Variants in FCMR observed in about 807,000 individuals in gnomAD.
FCMR encodes Fc mu receptor, also known as immunoglobulin mu Fc receptor.
In FCMR, 34 loss-of-function variants were observed where a neutral mutation model predicts 41.6. The ratio of observed to expected loss-of-function variants is 0.82; its 90% CI spans 0.62 to 1.09. The LOEUF is 1.09. FCMR is among the 50% of genes least tolerant of loss of function. The pLI is 0.00. For missense variants in FCMR, 496 were observed against 512.5 expected (o/e 0.97, Z 0.31); for synonymous variants, 209 against 211.8 (o/e 0.99, Z 0.12).
intron 1 of FCMR, among the ~76,000 whole-genome samples, chr1:206,917,619 C>T (rs1345992265): frequency 6.6e-6 from 1 of 151,954 alleles, no homozygotes; most frequent in Non-Finnish European, 1.5e-5. Flanking sequence ...CTGCTATTGC[C>T]CATATTTTCT....
intron 1 of FCMR, among the ~76,000 whole-genome samples, chr1:206,915,543 C>CAT (rs1679155456): frequency 6.6e-6 from 1 of 152,116 alleles, no homozygotes; most frequent in South Asian, 2.1e-4. Flanking sequence ...CTTTGAGTGA[C>CAT]AGAGGTCAGG....
intron 1 of FCMR, among the ~76,000 whole-genome samples, chr1:206,915,961 G>A (rs1679174410): frequency 6.8e-6 from 1 of 147,838 alleles, no homozygotes. Context: ...CGGTAGAGAG[G>A]TAAAAACAAT....
At chr1:206,912,047 C>G (rs1411578958) in intron 3 of FCMR, 95 bp from the exon 4 acceptor site, 2 of 937,484 alleles carry the variant, frequency 2.1e-6, no homozygotes, top group African/African-American at 3.4e-5. Context: ...ATACCCTTCC[C>G]TTTTATACAG....
At chr1:206,920,014 T>A (rs1679364733) in intron 1 of FCMR, among the ~76,000 whole-genome samples, 1 of 152,176 alleles carries the variant, frequency 6.6e-6, no homozygotes. Flanking sequence ...GCCACTTTAA[T>A]CCACAAGGAA....
In FCMR at chr1:206,911,808, G is replaced by C; in HGVS notation, c.632C>G (p.Ser211Ter). The change falls in exon 4 of 8, where the codon TCA becomes TGA. Residue 211 changes from serine to a stop codon, truncating the protein, a stop_gained. Transcript: ENST00000367091. LOFTEE classifies it high-confidence loss of function. The part of the protein sequence containing the change: ...PRTFLPSTTA[S>*]KISALEGLLK... Reference sequence around the variant, plus strand: ...CAGCCCCTCCAGAGCTGAGATTTTTGAGGCTGTAGTGGATGGCAGGAAGGT... The same window carrying C: ...CAGCCCCTCCAGAGCTGAGATTTTTCAGGCTGTAGTGGATGGCAGGAAGGT... The C allele has an allele frequency of 6.2e-7, 1 of 1,612,376 alleles. No homozygotes were observed. The highest frequency in any genetic ancestry group is 8.5e-7 in the Non-Finnish European group (1 of 1,179,342).
chr1:206,906,724 G>A (rs1321772279), intron 7 of FCMR, among the ~76,000 whole-genome samples: 1 of 151,916 alleles, frequency 6.6e-6, no homozygotes, highest in Admixed American at 6.5e-5. Context: ...CAAGTAGAGA[G>A]GCAGGGTCAG....
chr1:206,907,120 CGGGGTG>C (rs1678697498), intron 7 of FCMR, among the ~76,000 whole-genome samples: 1 of 40,808 alleles, frequency 2.5e-5, no homozygotes, highest in Non-Finnish European at 4.1e-5. Context: ...GGGGTGGGGG[CGGGGTG>C]GGGACTGCGC....
At chr1:206,908,337 G>A (rs1225216289) in intron 7 of FCMR, 6 of 622,046 alleles carry the variant, frequency 9.6e-6, no homozygotes, top group Admixed American at 2.7e-5. Flanking sequence ...GGTGCCACAG[G>A]CAGCCTGGGA....
chr1:206,919,587 A>G (rs1056423672), intron 1 of FCMR, among the ~76,000 whole-genome samples: 6 of 152,004 alleles, frequency 3.9e-5, no homozygotes, highest in African/African-American at 1.5e-4. Flanking sequence ...CAGGAGTGAG[A>G]TCCTGTCTCA....
rs150550509 is a variant in FCMR at position 206,913,819 on chromosome 1, C to T, written c.313G>A (p.Gly105Arg). 33 of 1,614,174 alleles carry T rather than the reference C, an allele frequency of 2.0e-5. No individual in the cohort carries two copies. In the East Asian group the frequency reaches 3.8e-4, roughly 19 times the overall value. Residue 105 changes from glycine to arginine, a missense_variant, in exon 2 of 8, where the codon GGA becomes AGA. Coordinates refer to ENST00000367091, the MANE Select transcript of FCMR (RefSeq NM_005449.5). ...CCCCGGTCTGTGTTCATGCCCGCTCCGCAGGCATAGACTCCGCTGTCACTT... is the reference window on the plus strand; with the variant it reads ...CCCCGGTCTGTGTTCATGCCCGCTCTGCAGGCATAGACTCCGCTGTCACTT... ...TESDSGVYAC[G>R]AGMNTDRGKT...
At position 206,905,030 on chromosome 1, in the gene FCMR, C is replaced by A; in HGVS notation, c.1162G>T (p.Val388Phe). The A allele has an allele frequency of 6.2e-7, 1 of 1,614,042 alleles. No homozygotes were observed. The highest frequency in any genetic ancestry group is 8.5e-7 in the Non-Finnish European group (1 of 1,180,008). The change falls in exon 8 of 8, where the codon GTT (valine) becomes TTT (phenylalanine). Residue 388 changes from valine to phenylalanine, a missense_variant. Physicochemically the swap from Val to Phe is conservative, Grantham distance 50. Transcript: ENST00000367091. ...TAGCTGGGGAGTTGTCAGGCAGGAACATTGATGTAGTCATCTGAATCACTG... is the reference window on the plus strand; with the variant it reads ...TAGCTGGGGAGTTGTCAGGCAGGAAAATTGATGTAGTCATCTGAATCACTG... ...EDSDSDDYIN[V>F]PA
upstream of FCMR, among the ~76,000 whole-genome samples, chr1:206,922,405 C>T (rs755405311): frequency 3.9e-5 from 6 of 152,170 alleles, no homozygotes; most frequent in Non-Finnish European, 4.4e-5. Context: ...TTTTTGAGCA[C>T]CTTCTATGTG....
chr1:206,906,144 GA>G (rs757868096), intron 7 of FCMR: 13 of 514,728 alleles, frequency 2.5e-5, no homozygotes, highest in Non-Finnish European at 4.3e-5. Context: ...GACCAGTCAA[GA>G]AAGACCTGGA....
In FCMR at chr1:206,904,029, C is replaced by A. The variant is rs887003357; in HGVS notation, c.*990G>T. On this transcript the variant is annotated 3_prime_UTR_variant, in exon 8 of 8. Coordinates refer to ENST00000367091, the MANE Select transcript of FCMR (RefSeq NM_005449.5). ...CTAAAGATACAGTGTCTGACTATAA[C>A]CTTGTTCCAAAAACCTAGGCAAAGA... is the stretch of plus-strand genomic sequence containing the variant. 1 of 152,342 alleles carries A rather than the reference C, an allele frequency of 6.6e-6. No individual in the cohort carries two copies. The highest frequency in any genetic ancestry group is 6.5e-5 in the Admixed American group (1 of 15,278). 9.4% of individuals were successfully genotyped at this position (152,342 alleles called of 1,614,324 possible).
Position 206,912,956 on chromosome 1 carries a change from C to T in FCMR, c.460G>A (p.Ala154Thr). The stretch of plus-strand genomic sequence containing the variant: ...CTGGTTACGAATTTGGAAGAACTGG[C>T]ATATGCAGGCATCTGGAACAAATAG... ...LPYLFQMPAY[A>T]SSSKFVTRVT... Residue 154 changes from alanine (A) to threonine (T), a missense_variant, in exon 3 of 8, where the codon GCC (alanine) becomes ACC (threonine). By Grantham distance (58) the Ala-to-Thr change is moderately conservative. Transcript: ENST00000367091. 1 of 1,613,244 alleles carries T rather than the reference C, an allele frequency of 6.2e-7. No homozygotes were observed. Among genetic ancestry groups the T allele is most frequent in the South Asian group, 1.1e-5 (1 of 91,064 alleles).
rs771220479 is a variant in FCMR at position 206,905,021 on chromosome 1, A to T, written c.1171T>A (p.Ter391ArgextTer52). 4 of 1,614,010 alleles carry T rather than the reference A, an allele frequency of 2.5e-6. No individual in the cohort carries two copies. Among genetic ancestry groups the T allele is most frequent in the South Asian group, 1.1e-5 (1 of 91,084 alleles). The change falls in exon 8 of 8, where the codon TGA becomes AGA. Residue 391 changes from the stop codon to arginine (R), a stop_lost. Coordinates refer to ENST00000367091, the MANE Select transcript of FCMR (RefSeq NM_005449.5). ...DSDDYINVPA[*>R] ...GTTGGGGGATAGCTGGGGAGTTGTCAGGCAGGAACATTGATGTAGTCATCT... is the reference window on the plus strand; with the variant it reads ...GTTGGGGGATAGCTGGGGAGTTGTCTGGCAGGAACATTGATGTAGTCATCT...
At position 206,911,726 on chromosome 1, in the gene FCMR, T is replaced by C. The variant is rs753741905; in HGVS notation, c.710+4A>G. The C allele has an allele frequency of 3.0e-5, 49 of 1,611,146 alleles. No individual in the cohort carries two copies. Among genetic ancestry groups the C allele is most frequent in the Non-Finnish European group, 4.1e-5 (48 of 1,179,134 alleles). On this transcript the variant is annotated splice_donor_region_variant and intron_variant, in intron 4 of 7. Coordinates refer to ENST00000367091, the MANE Select transcript of FCMR (RefSeq NM_005449.5). Reference sequence around the variant, plus strand: ...ACTCTAGATCCTGGACAGTGGTCTCTTACCTCTGCCTGTGCAGCCTGGTGT... The same window carrying C: ...ACTCTAGATCCTGGACAGTGGTCTCCTACCTCTGCCTGTGCAGCCTGGTGT...
At position 206,909,802 on chromosome 1, in the gene FCMR, CG is replaced by C; in HGVS notation, c.907del (p.Arg303AlafsTer58). The stretch of plus-strand genomic sequence containing the variant: ...TTGGGAGCGCGGTCGCGGCGACCCG[CG>C]GGGCCTCTGGGAGCTCTCCAGGGCG... ...MRALESSQRPRGSPRPRSQNN... is the reference protein window; with the variant it reads ...MRALESSQRPXGSPRPRSQNN... On this transcript the variant is annotated frameshift_variant, in exon 6 of 8. Coordinates refer to ENST00000367091, the MANE Select transcript of FCMR (RefSeq NM_005449.5). LOFTEE classifies it high-confidence loss of function. This position sits in a 1 kb window ranked among gnomAD's most constrained non-coding sequence, Gnocchi z 5.0. 2 of 1,437,036 alleles carry C rather than the reference CG, an allele frequency of 1.4e-6. No individual in the cohort carries two copies. Among genetic ancestry groups the C allele is most frequent in the South Asian group, 1.5e-5 (1 of 68,116 alleles). 89.0% of individuals were successfully genotyped at this position (1,437,036 alleles called of 1,614,324 possible).
In FCMR at chr1:206,913,026, C is replaced by G. The variant is rs756152640; in HGVS notation, c.390G>C (p.Trp130Cys). The G allele has an allele frequency of 1.9e-6, 3 of 1,612,550 alleles. No homozygotes were observed. Among genetic ancestry groups the G allele is most frequent in the Non-Finnish European group, 2.5e-6 (3 of 1,178,582 alleles). ...GAGTCTCAGGCATTGGCTGCTCTTC[C>G]CATGATGGCTCGTATTCTATTGGAA... Reference protein sequence around the residue: ...LNVHSEYEPSWEEQPMPETPK... With the variant: ...LNVHSEYEPSCEEQPMPETPK... The change falls in exon 3 of 8, where the codon TGG (tryptophan) becomes TGC (cysteine). Residue 130 changes from tryptophan to cysteine, a missense_variant. Coordinates refer to ENST00000367091, the MANE Select transcript of FCMR (RefSeq NM_005449.5).
Sources: gnomAD v4.1 joint callset for allele counts (sites outside exome capture counted in the v4.1 genomes callset) on GRCh38, gnomAD v4.1.1 for gene constraint, Gnocchi (gnomAD v3.1) non-coding constraint, MANE v1.5 for transcripts, NCBI Gene and HGNC (gene_info 2026-07-23, HGNC 2026-07-21) for gene names.